CDH13: variants seen among roughly 807,000 people sequenced by gnomAD.
CDH13 encodes the protein cadherin-13.
CDH13 carries 24 observed loss-of-function variants against 63.8 expected under a neutral mutation model. The observed-to-expected ratio is 0.38, with a 90% CI of 0.27 to 0.53. The LOEUF (loss-of-function observed/expected upper bound fraction) is 0.53. Among genes scored for constraint, CDH13 ranks in the 20% least tolerant of loss-of-function variants. CDH13 has a pLI of 0.85. For synonymous variants in CDH13, 503 were observed against 355.3 expected (o/e 1.42, Z -4.67); for missense variants, 1,049 against 903.1 (o/e 1.16, Z -2.07).
At chr16:83,175,074 G>T (rs967738045) in intron 4 of CDH13, among the ~76,000 whole-genome samples, 2 of 152,030 alleles carry the variant, frequency 1.3e-5, no homozygotes, top group African/African-American at 4.8e-5. Flanking sequence ...CATCAGCTAC[G>T]TATCGCTGGT....
chr16:83,127,558 C>T (rs9922900), intron 4 of CDH13, among the ~76,000 whole-genome samples: 35,375 of 151,902 alleles, frequency 0.23, 4,572 homozygotes, highest in East Asian at 0.37. Context: ...GGCGAAACCC[C>T]GTCTCAACTA....
At chr16:82,934,808 C>T (rs1015264244) in intron 2 of CDH13, among the ~76,000 whole-genome samples, 11 of 152,210 alleles carry the variant, frequency 7.2e-5, no homozygotes, top group Non-Finnish European at 1.6e-4. Context: ...TCAACAAGTT[C>T]CTCATCTCTG....
intron 1 of CDH13, among the ~76,000 whole-genome samples, chr16:82,751,703 T>TAAAA: frequency 7.1e-6 from 1 of 139,970 alleles, no homozygotes; most frequent in East Asian, 2.0e-4. Flanking sequence ...GGAAAACAGG[T>TAAAA]AAAAAAAAAA....
chr16:82,813,995 A>T (rs746929916), intron 1 of CDH13, among the ~76,000 whole-genome samples: 1 of 152,114 alleles, frequency 6.6e-6, no homozygotes, highest in Admixed American at 6.5e-5. Flanking sequence ...TTGAGTTCCT[A>T]TTCAAATACC....
intron 4 of CDH13, among the ~76,000 whole-genome samples, chr16:83,192,053 C>A (rs1304065305): frequency 6.6e-6 from 1 of 152,122 alleles, no homozygotes; most frequent in South Asian, 2.1e-4. Flanking sequence ...CCAAGCCCAC[C>A]AGCAATCTGC....
At chr16:83,014,741 AAAATATATAT>A (rs1914522876) in intron 2 of CDH13, among the ~76,000 whole-genome samples, 1 of 33,336 alleles carries the variant, frequency 3.0e-5, no homozygotes, top group Non-Finnish European at 6.4e-5. Context: ...AAAAAAAAAA[AAAATATATAT>A]ATATATATAT....
At chr16:83,280,835 A>G (rs544242258) in intron 5 of CDH13, among the ~76,000 whole-genome samples, 8 of 152,394 alleles carry the variant, frequency 5.2e-5, no homozygotes, top group South Asian at 2.1e-4. Flanking sequence ...CTCTTGGGTC[A>G]CTAGGTATAT....
At position 83,059,228 on chromosome 16, in the gene CDH13, CAG is replaced by C. The variant is rs149218958; in HGVS notation, c.366+27013_366+27014del. On this transcript the variant is annotated intron_variant, in intron 3 of 13. Coordinates refer to ENST00000567109, the MANE Select transcript of CDH13 (RefSeq NM_001257.5). ...CCTATGAAATGCTTTTCAGAATTCTCAGAGTCATCCACCTGAAAAATAGAGGG... is the reference window on the plus strand; with the variant it reads ...CCTATGAAATGCTTTTCAGAATTCTCAGTCATCCACCTGAAAAATAGAGGG... Among the ~76,000 whole-genome samples, 1,239 of 152,286 alleles carry C rather than the reference CAG, an allele frequency of 8.1e-3. 13 individuals carry two copies. Among genetic ancestry groups the C allele is most frequent in the African/African-American group, 0.027 (1,134 of 41,556 alleles).
chr16:83,684,027 G>A (rs183539041), intron 10 of CDH13, among the ~76,000 whole-genome samples: 2 of 152,274 alleles, frequency 1.3e-5, no homozygotes, highest in African/African-American at 4.8e-5. Flanking sequence ...GATGATATTC[G>A]AGTATCTCTA....
chr16:83,026,483 G>A (rs529159707), intron 2 of CDH13, among the ~76,000 whole-genome samples: 1 of 151,086 alleles, frequency 6.6e-6, no homozygotes, highest in South Asian at 2.1e-4. Context: ...GGGTGAAATA[G>A]GTTCGAGGGT....
chr16:82,866,534 A>G (rs1206257117), intron 2 of CDH13, among the ~76,000 whole-genome samples: 1 of 151,600 alleles, frequency 6.6e-6, no homozygotes, highest in African/African-American at 2.4e-5. Flanking sequence ...GACTACAGGC[A>G]TGAGCCACCA....
At chr16:83,454,544 C>G (rs2072969612) in intron 6 of CDH13, among the ~76,000 whole-genome samples, 1 of 152,032 alleles carries the variant, frequency 6.6e-6, no homozygotes, top group South Asian at 2.1e-4. Context: ...CTGTATGGTC[C>G]TTATCATTAT....
intron 6 of CDH13, among the ~76,000 whole-genome samples, chr16:83,430,218 C>T (rs1413364211): frequency 6.6e-6 from 1 of 152,186 alleles, no homozygotes; most frequent in Non-Finnish European, 1.5e-5. Context: ...TGGAACCAGC[C>T]TAAGTGTTTC....
At chr16:82,955,935 T>G (rs1283616821) in intron 2 of CDH13, among the ~76,000 whole-genome samples, 1 of 152,218 alleles carries the variant, frequency 6.6e-6, no homozygotes, top group African/African-American at 2.4e-5. Context: ...CTATGAAATA[T>G]GCAAGAGTCT....
At chr16:83,561,111 C>A (rs1490384830) in intron 7 of CDH13, among the ~76,000 whole-genome samples, 1 of 152,024 alleles carries the variant, frequency 6.6e-6, no homozygotes, top group Non-Finnish European at 1.5e-5. Context: ...TTCTTTTCTT[C>A]CCTTGAAAAA....
intron 6 of CDH13, among the ~76,000 whole-genome samples, chr16:83,353,352 C>G (rs9933495): frequency 0.26 from 39,676 of 152,222 alleles, 5,529 homozygotes; most frequent in African/African-American, 0.34. Flanking sequence ...TTTCCCTCCT[C>G]CATATCCCAG....
intron 2 of CDH13, among the ~76,000 whole-genome samples, chr16:82,863,681 G>C (rs1296383676): frequency 1.3e-5 from 2 of 152,246 alleles, no homozygotes; most frequent in South Asian, 4.1e-4. Flanking sequence ...AATTTCTGCT[G>C]TTACTATTAT....
At chr16:82,859,043 T>C (rs2039820914) in intron 2 of CDH13, 1 of 152,790 alleles carries the variant, frequency 6.5e-6, no homozygotes, top group Non-Finnish European at 1.5e-5. Context: ...AAAATATGCA[T>C]CTTTCATATC....
chr16:83,773,903 C>A (rs1312941610), intron 11 of CDH13, among the ~76,000 whole-genome samples: 2 of 152,126 alleles, frequency 1.3e-5, no homozygotes, highest in African/African-American at 4.8e-5. Flanking sequence ...GTCCTGCTCC[C>A]AAGCTTCCTC....
Sources: allele counts gnomAD v4.1 joint callset (sites outside exome capture counted in the v4.1 genomes callset), GRCh38; gene constraint gnomAD v4.1.1; transcripts MANE v1.5; gene names NCBI Gene and HGNC (gene_info 2026-07-23, HGNC 2026-07-21).